Variants in CALN1 observed in about 807,000 individuals in gnomAD.
CALN1 encodes calcium-binding protein 8.
CALN1 carries 17 observed loss-of-function variants against 30.6 expected under a neutral mutation model. That is an observed-to-expected ratio of 0.56 (90% CI 0.38 to 0.83). The LOEUF (loss-of-function observed/expected upper bound fraction) is 0.83, where lower values mean the gene tolerates loss of function less well. CALN1 is among the 40% of genes least tolerant of loss of function. The pLI, the probability that CALN1 is intolerant of heterozygous loss-of-function variation, is 0.00. For synonymous variants in CALN1, 156 were observed against 131.4 expected, an observed-to-expected ratio of 1.19 and a Z score of -1.28; for missense variants, 291 against 354.9, an observed-to-expected ratio of 0.82 and a Z score of 1.45.
intron 3 of CALN1, among the ~76,000 whole-genome samples, chr7:72,178,184 G>C (rs933416978): frequency 6.6e-6 from 1 of 152,172 alleles, no homozygotes; most frequent in African/African-American, 2.4e-5. Flanking sequence ...ATAAAACTCT[G>C]AACAATAGTG....
chr7:72,195,407 T>C (rs919569989), intron 3 of CALN1, among the ~76,000 whole-genome samples: 2 of 152,192 alleles, frequency 1.3e-5, no homozygotes, highest in Admixed American at 6.5e-5. Context: ...AGACTAGATC[T>C]TGCTCTGCCA....
At position 72,204,503 on chromosome 7, in the gene CALN1, C is replaced by G. The variant is rs1029362558; in HGVS notation, c.244+74183G>C. 5.3e-5 allele frequency among the ~76,000 whole-genome samples: 8 copies of G among 152,210 alleles called. No individual in the cohort carries two copies. In the South Asian group the frequency reaches 8.3e-4, roughly 16 times the overall value. On this transcript the variant is annotated intron_variant, in intron 3 of 6. Coordinates refer to ENST00000395275, the MANE Select transcript of CALN1 (RefSeq NM_031468.4). Reference sequence around the variant, plus strand: ...ATTGAATTTTTTAACATTATAAAAACTATACTACACATTATACAATATACT... The same window carrying G: ...ATTGAATTTTTTAACATTATAAAAAGTATACTACACATTATACAATATACT...
intron 5 of CALN1, among the ~76,000 whole-genome samples, chr7:71,975,451 G>A (rs1798056626): frequency 6.6e-6 from 1 of 151,888 alleles, no homozygotes; most frequent in African/African-American, 2.4e-5. Flanking sequence ...TTAAAGAAGG[G>A]GGTCTTGTTC....
chr7:72,408,669 C>CCTTT (rs1283527506), intron 1 of CALN1, among the ~76,000 whole-genome samples: 2 of 70,388 alleles, frequency 2.8e-5, no homozygotes, highest in Non-Finnish European at 5.8e-5. Context: ...CAATTATTAT[C>CCTTT]TTTTCCTTTT....
intron 2 of CALN1, among the ~76,000 whole-genome samples, chr7:72,382,814 T>C (rs1307379531): frequency 6.6e-6 from 1 of 152,192 alleles, no homozygotes; most frequent in Non-Finnish European, 1.5e-5. Flanking sequence ...TTTTTTGAGA[T>C]GGAGTCTCAC....
chr7:72,035,929 T>C (rs1308928008), intron 4 of CALN1, among the ~76,000 whole-genome samples: 1 of 152,212 alleles, frequency 6.6e-6, no homozygotes, highest in East Asian at 1.9e-4. Context: ...ATTGCACCTT[T>C]ATTGTGATCT....
In CALN1 at chr7:72,220,317, T is replaced by C. The variant is rs555351963; in HGVS notation, c.244+58369A>G. On this transcript the variant is annotated intron_variant, in intron 3 of 6. Transcript: ENST00000395275. ...TTTGGTTTTTTGTCCTTGCGATAGT[T>C]TGCTGAGAATGATGGTTTCCAGTTT... Among the ~76,000 whole-genome samples, 3 of 151,764 alleles carry C rather than the reference T, an allele frequency of 2.0e-5. No individual in the cohort carries two copies. In the South Asian group the frequency reaches 6.3e-4, roughly 32 times the overall value.
chr7:72,139,084 G>A lies in CALN1; in HGVS notation c.245-32790C>T, dbSNP rs186374617. 2.3e-4 allele frequency among the ~76,000 whole-genome samples: 35 copies of A among 152,196 alleles called. 1 individual carries two copies. The highest frequency in any genetic ancestry group is 3.4e-3 in the Middle Eastern group (1 of 294). On this transcript the variant is annotated intron_variant, in intron 3 of 6. Transcript: ENST00000395275. The stretch of plus-strand genomic sequence containing the variant: ...TGTCAAAGACATCACGTCTAATCAC[G>A]CTTTGCTTCAGCTTCAAATTTCTCA...
intron 4 of CALN1, among the ~76,000 whole-genome samples, chr7:72,054,538 T>TACATAC (rs1261056653): frequency 1.6e-5 from 2 of 124,674 alleles, no homozygotes; most frequent in African/African-American, 6.4e-5. Context: ...CATACATATA[T>TACATAC]ATATACATAT....
intron 5 of CALN1, among the ~76,000 whole-genome samples, chr7:71,992,844 T>C (rs1266630748): frequency 6.6e-6 from 1 of 152,204 alleles, no homozygotes; most frequent in African/African-American, 2.4e-5. Flanking sequence ...GGGTGGATCA[T>C]AGCAGATCTA....
intron 2 of CALN1, among the ~76,000 whole-genome samples, chr7:72,391,484 G>T (rs907522693): frequency 6.6e-6 from 1 of 152,116 alleles, no homozygotes; most frequent in Non-Finnish European, 1.5e-5. Flanking sequence ...TGATGAAGAA[G>T]AAGTGTGGTA....
intron 3 of CALN1, among the ~76,000 whole-genome samples, chr7:72,164,243 C>T (rs997223547): frequency 1.3e-5 from 2 of 151,514 alleles, no homozygotes; most frequent in Non-Finnish European, 2.9e-5. Flanking sequence ...TGGCACATGC[C>T]TATAATCCTA....
intron 1 of CALN1, among the ~76,000 whole-genome samples, chr7:72,418,624 C>G (rs943346671): frequency 6.6e-6 from 1 of 152,058 alleles, no homozygotes; most frequent in Non-Finnish European, 1.5e-5. Context: ...TTCCCCGCCC[C>G]GGCTCACATA....
chr7:72,464,051 A>C, the CALN1 span, among the ~76,000 whole-genome samples: 5 of 149,212 alleles, frequency 3.4e-5, no homozygotes, highest in Admixed American at 1.3e-4. Flanking sequence ...AGAAAGAAAG[A>C]AGAAAGAGAA....
intron 5 of CALN1, among the ~76,000 whole-genome samples, chr7:71,827,616 C>G (rs1229141025): frequency 6.6e-6 from 1 of 151,312 alleles, no homozygotes; most frequent in Admixed American, 6.6e-5. Context: ...ACTAAAAATA[C>G]AAAAAATTAG....
intron 5 of CALN1, among the ~76,000 whole-genome samples, chr7:71,880,205 T>C (rs193007198): frequency 4.2e-4 from 64 of 152,322 alleles, no homozygotes; most frequent in Middle Eastern, 3.4e-3. Flanking sequence ...GGTTGATTAG[T>C]TTGATCCTTC....
intron 3 of CALN1, among the ~76,000 whole-genome samples, chr7:72,120,130 C>T (rs1808276463): frequency 6.6e-6 from 1 of 151,842 alleles, no homozygotes; most frequent in Non-Finnish European, 1.5e-5. Context: ...ATCTATTGTT[C>T]CCATCTTTAT....
At chr7:72,387,266 AAGGGAGGAAGGGAGGGAGGGAGGG>A (rs1805277132) in intron 2 of CALN1, among the ~76,000 whole-genome samples, 1 of 7,310 alleles carries the variant, frequency 1.4e-4, no homozygotes, top group African/African-American at 4.2e-4. Flanking sequence ...GGAAGGGAGG[AAGGGAGGAAGGGAGGGAGGGAGGG>A]AGGGAGGGAG....
chr7:72,401,046 G>A (rs544793650), intron 2 of CALN1, among the ~76,000 whole-genome samples: 14 of 152,168 alleles, frequency 9.2e-5, no homozygotes, highest in Non-Finnish European at 8.8e-5. Context: ...GCTTTGGGGT[G>A]AGAGGAGGGC....
Sources: gnomAD v4.1 joint callset for allele counts (sites outside exome capture counted in the v4.1 genomes callset) on GRCh38, gnomAD v4.1.1 for gene constraint, MANE v1.5 for transcripts, NCBI Gene and HGNC (gene_info 2026-07-23, HGNC 2026-07-21) for gene names.